The following HERC3 variants were observed in gnomAD, a reference collection of about 807,000 sequenced individuals.
HERC3 encodes the protein HECT and RLD domain containing E3 ubiquitin protein ligase 3.
Under a neutral mutation model 129.9 loss-of-function variants are expected in HERC3, and 58 were observed. The observed-to-expected ratio is 0.45, with a 90% CI of 0.36 to 0.56. HERC3 has a LOEUF of 0.56. HERC3 is among the 20% of genes least tolerant of loss of function. The probability of loss-of-function intolerance (pLI) is 0.00; values close to 1 mark genes in which losing one functional copy is unlikely to be tolerated. For missense variants in HERC3, 835 were observed against 1,244.2 expected (o/e 0.67, Z 4.95); for synonymous variants, 430 against 451.0 (o/e 0.95, Z 0.59).
chr4:88,631,791 G>A (rs1041761735), intron 3 of HERC3, among the ~76,000 whole-genome samples: 2 of 152,158 alleles, frequency 1.3e-5, no homozygotes, highest in African/African-American at 2.4e-5. Flanking sequence ...AGGACACAAA[G>A]CAGGGAGAAA....
chr4:88,636,393 A>AT (rs1357600592), intron 3 of HERC3, among the ~76,000 whole-genome samples: 1 of 152,232 alleles, frequency 6.6e-6, no homozygotes, highest in Non-Finnish European at 1.5e-5. Context: ...ATCAAAAAAA[A>AT]GACAAAGGGC....
chr4:88,697,449 A>G (rs758565125), intron 23 of HERC3: 1 of 1,614,072 alleles, frequency 6.2e-7, no homozygotes, highest in Non-Finnish European at 8.5e-7. Context: ...CCAGAGCCTG[A>G]AATTCCTTAT....
chr4:88,576,910 C>G, the HERC3 span, among the ~76,000 whole-genome samples: 2 of 152,046 alleles, frequency 1.3e-5, no homozygotes, highest in Non-Finnish European at 2.9e-5. Flanking sequence ...CAGTTTTTTT[C>G]TGAAACTTTT....
intron 12 of HERC3, among the ~76,000 whole-genome samples, chr4:88,665,897 A>G (rs1021794299): frequency 5.3e-5 from 8 of 152,214 alleles, no homozygotes; most frequent in Non-Finnish European, 1.0e-4. Flanking sequence ...CTTCCAGAAC[A>G]GGGGTTCTCA....
At chr4:88,672,889 G>A (rs1731766292) in intron 16 of HERC3, among the ~76,000 whole-genome samples, 1 of 150,124 alleles carries the variant, frequency 6.7e-6, no homozygotes, top group South Asian at 2.1e-4. Context: ...AGTCACAGTG[G>A]AAACATGTAT....
the HERC3 span, among the ~76,000 whole-genome samples, chr4:88,560,937 C>T: frequency 6.6e-6 from 1 of 152,002 alleles, no homozygotes. Context: ...CTGACTCATT[C>T]GTCTATGTGT....
the HERC3 span, among the ~76,000 whole-genome samples, chr4:88,582,507 G>A: frequency 6.6e-6 from 1 of 152,124 alleles, no homozygotes; most frequent in African/African-American, 2.4e-5. Flanking sequence ...GCAGGGATAA[G>A]TTTTCTCTGA....
intron 3 of HERC3, among the ~76,000 whole-genome samples, chr4:88,638,556 A>T (rs938009951): frequency 3.9e-5 from 6 of 152,190 alleles, no homozygotes; most frequent in African/African-American, 1.4e-4. Context: ...CATGTTAAAG[A>T]CTCTCAATAA....
At chr4:88,590,364 T>A (rs1721633721), upstream of HERC3, among the ~76,000 whole-genome samples, 1 of 150,870 alleles carries the variant, frequency 6.6e-6, no homozygotes, top group South Asian at 2.1e-4. Flanking sequence ...ATTGAGACCA[T>A]CCTGGCTAAC....
chr4:88,707,038 G>T lies in HERC3; in HGVS notation c.*78G>T. 1 of 1,153,716 alleles carries T rather than the reference G, an allele frequency of 8.7e-7. No homozygotes were observed. The highest frequency in any genetic ancestry group is 1.3e-5 in the South Asian group (1 of 74,746). The allele number at this position is 1,153,716 out of a possible 1,614,324, so 71.5% of individuals were successfully genotyped here. A position where few individuals can be genotyped will look rare whatever the true frequency, so the allele number is the denominator to read the frequency against. Reference sequence around the variant, plus strand: ...GCCTATACAGAAAATCATGGGGAGTGATTTCTATTTTTTTATTGTCTAAGT... The same window carrying T: ...GCCTATACAGAAAATCATGGGGAGTTATTTCTATTTTTTTATTGTCTAAGT... On this transcript the variant is annotated 3_prime_UTR_variant, in exon 26 of 26. Coordinates refer to ENST00000402738, the MANE Select transcript of HERC3 (RefSeq NM_014606.3).
chr4:88,700,826 C>A (rs933107329), intron 23 of HERC3, among the ~76,000 whole-genome samples: 1 of 152,280 alleles, frequency 6.6e-6, no homozygotes, highest in South Asian at 2.1e-4. Context: ...ATATTTAAAT[C>A]TTGAGTCCAA....
chr4:88,676,864 CG>C (rs1560751485), intron 18 of HERC3, among the ~76,000 whole-genome samples: 1 of 151,928 alleles, frequency 6.6e-6, no homozygotes, highest in African/African-American at 2.4e-5. Context: ...GAAACCATGC[CG>C]GGTGCAGTGG....
the HERC3 span, among the ~76,000 whole-genome samples, chr4:88,543,983 G>A: frequency 2.6e-5 from 4 of 152,244 alleles, no homozygotes; most frequent in African/African-American, 9.6e-5. Context: ...GAAAACCTAG[G>A]CAATACCATT....
the HERC3 span, among the ~76,000 whole-genome samples, chr4:88,535,749 T>C: frequency 6.6e-6 from 1 of 152,188 alleles, no homozygotes; most frequent in Non-Finnish European, 1.5e-5. Flanking sequence ...TGACCTCATC[T>C]AATCCCAATT....
At chr4:88,646,006 A>T (rs922807711) in intron 3 of HERC3, among the ~76,000 whole-genome samples, 3 of 152,212 alleles carry the variant, frequency 2.0e-5, no homozygotes, top group African/African-American at 7.2e-5. Context: ...CCAATTTAAA[A>T]TCTATCTAAT....
At chr4:88,695,611 C>T (rs1284208532) in intron 23 of HERC3, among the ~76,000 whole-genome samples, 1 of 152,122 alleles carries the variant, frequency 6.6e-6, no homozygotes, top group Non-Finnish European at 1.5e-5. Context: ...GTCTCTTTCT[C>T]CCATTTTGTA....
intron 3 of HERC3, among the ~76,000 whole-genome samples, chr4:88,633,396 A>AG (rs1431354742): frequency 6.6e-6 from 1 of 152,202 alleles, no homozygotes; most frequent in Non-Finnish European, 1.5e-5. Flanking sequence ...TGTAACTTAA[A>AG]GGGGGGATGG....
At chr4:88,667,538 C>T (rs3017921) in intron 13 of HERC3, 50 bp downstream of exon 13, 329,880 of 944,654 alleles carry the variant, frequency 0.35, 67,122 homozygotes, top group African/African-American at 0.75. Context: ...ATTTTTGTAT[C>T]GATGAATTCA....
intron 21 of HERC3, among the ~76,000 whole-genome samples, chr4:88,685,539 T>C (rs1458012383): frequency 6.6e-6 from 1 of 151,808 alleles, no homozygotes; most frequent in Non-Finnish European, 1.5e-5. Context: ...TAAGTGGGAG[T>C]TGAACAATGA....
Sources: allele counts gnomAD v4.1 joint callset (sites outside exome capture counted in the v4.1 genomes callset), GRCh38; gene constraint gnomAD v4.1.1; transcripts MANE v1.5; gene names NCBI Gene and HGNC (gene_info 2026-07-23, HGNC 2026-07-21).